Variants in CNTNAP3B observed in about 807,000 individuals in gnomAD.
CNTNAP3B encodes contactin-associated protein-like 3B.
Under a neutral mutation model 108.9 loss-of-function variants are expected in CNTNAP3B, and 25 were observed. That is an observed-to-expected ratio of 0.23 (90% CI 0.17 to 0.32). The LOEUF is 0.32. Ranked by LOEUF, CNTNAP3B falls within the 10% of genes least tolerant of loss-of-function variation. The pLI is 1.00. For synonymous variants in CNTNAP3B, 103 were observed against 473.4 expected (o/e 0.22, Z 10.16); for missense variants, 252 against 1,210.4 (o/e 0.21, Z 11.75).
intron 18 of CNTNAP3B, among the ~76,000 whole-genome samples, chr9:41,919,698 G>T (rs1433651799): frequency 1.3e-5 from 2 of 152,080 alleles, no homozygotes; most frequent in Non-Finnish European, 2.9e-5. Context: ...CAACAGAGAG[G>T]CTTGAATAGC....
chr9:41,957,496 G>C (rs1225137511), intron 12 of CNTNAP3B, among the ~76,000 whole-genome samples: 7 of 129,424 alleles, frequency 5.4e-5, no homozygotes, highest in African/African-American at 2.2e-4. Context: ...CTAAGCTTAG[G>C]GATTCTTTCC....
At chr9:41,945,436 A>C (rs1196610935) in intron 13 of CNTNAP3B, among the ~76,000 whole-genome samples, 468 of 152,088 alleles carry the variant, frequency 3.1e-3, no homozygotes, top group Admixed American at 5.9e-3. Flanking sequence ...CTATGCAGCC[A>C]TGAAAAAGGA....
At chr9:41,930,603 G>C (rs1253646213) in intron 14 of CNTNAP3B, among the ~76,000 whole-genome samples, 1 of 152,240 alleles carries the variant, frequency 6.6e-6, no homozygotes, top group Non-Finnish European at 1.5e-5. Flanking sequence ...TTGTCGAACA[G>C]ACATTGTCCT....
At chr9:42,120,823 G>C (rs867200439) in intron 1 of CNTNAP3B, among the ~76,000 whole-genome samples, 2 of 94,778 alleles carry the variant, frequency 2.1e-5, no homozygotes, top group African/African-American at 9.4e-5. Context: ...GGACTGTCGC[G>C]GGGTGGGGGG....
At chr9:41,973,513 A>G (rs1247927607) in intron 9 of CNTNAP3B, among the ~76,000 whole-genome samples, 3 of 127,888 alleles carry the variant, frequency 2.3e-5, no homozygotes, top group Non-Finnish European at 4.9e-5. Context: ...CAGTGTTGCC[A>G]CAAGTTCTTG....
rs878877114 is a variant in CNTNAP3B, at chr9:42,129,129, C to T, written c.-35G>A. 1.3e-5 allele frequency: 17 copies of T among 1,359,862 alleles called. 1 individual carries two copies. The highest frequency in any genetic ancestry group is 5.5e-5 in the African/African-American group (3 of 54,198). 84.2% of individuals were successfully genotyped at this position (1,359,862 alleles called of 1,614,324 possible). ...AGCCAGGCGCCCTGAGACCCGGGCACGGCGACGGCCGCTCTGCGTCGTTCC... is the reference window on the plus strand; with the variant it reads ...AGCCAGGCGCCCTGAGACCCGGGCATGGCGACGGCCGCTCTGCGTCGTTCC... On this transcript the variant is annotated 5_prime_UTR_variant, in exon 1 of 24. The change creates a new upstream start codon in the 5' untranslated region. Coordinates refer to ENST00000377561, the MANE Select transcript of CNTNAP3B (RefSeq NM_001201380.3).
At chr9:42,108,770 C>G (rs190851669) in intron 1 of CNTNAP3B, among the ~76,000 whole-genome samples, 6,159 of 138,280 alleles carry the variant, frequency 0.045, 771 homozygotes, top group South Asian at 0.1. Context: ...TGATTTGTCC[C>G]CTGACCCCTG....
intron 3 of CNTNAP3B, among the ~76,000 whole-genome samples, chr9:42,066,246 T>A (rs71512025): frequency 0.25 from 32,484 of 132,482 alleles, 7,382 homozygotes; most frequent in East Asian, 0.67. Context: ...TTTTCCCATG[T>A]AGCTTGTACA....
intron 1 of CNTNAP3B, among the ~76,000 whole-genome samples, chr9:42,119,894 C>G (rs201007186): frequency 4.3e-5 from 6 of 140,146 alleles, no homozygotes; most frequent in Admixed American, 4.2e-4. Context: ...CTAGGCAATA[C>G]CATTCAGGAC....
At chr9:42,033,047 C>T (rs1403322018) in intron 3 of CNTNAP3B, among the ~76,000 whole-genome samples, 3 of 144,386 alleles carry the variant, frequency 2.1e-5, no homozygotes, top group Admixed American at 6.9e-5. Context: ...GAATTCTGTC[C>T]ATACAGCACT....
chr9:41,918,765 A>C (rs1455879856), intron 18 of CNTNAP3B, among the ~76,000 whole-genome samples: 1 of 146,334 alleles, frequency 6.8e-6, no homozygotes, highest in South Asian at 2.2e-4. Context: ...ACTTGTGCTC[A>C]TGAAGGAGTG....
chr9:41,955,813 C>A (rs1473101934), intron 12 of CNTNAP3B, among the ~76,000 whole-genome samples: 3 of 152,274 alleles, frequency 2.0e-5, no homozygotes, highest in Non-Finnish European at 4.4e-5. Flanking sequence ...GAAAATTAAG[C>A]TAATTTAACT....
At chr9:41,983,069 C>CA (rs1825663099) in intron 9 of CNTNAP3B, among the ~76,000 whole-genome samples, 2 of 123,578 alleles carry the variant, frequency 1.6e-5, no homozygotes, top group African/African-American at 3.3e-5. Flanking sequence ...GGGTGAAGAT[C>CA]GAAAAACTAC....
intron 2 of CNTNAP3B, among the ~76,000 whole-genome samples, chr9:42,082,790 C>T (rs1254434747): frequency 7.2e-6 from 1 of 138,428 alleles, no homozygotes; most frequent in African/African-American, 2.9e-5. Flanking sequence ...TGAAAATGGA[C>T]AAAGAATAAA....
At chr9:41,939,490 C>T (rs1313659642) in intron 13 of CNTNAP3B, among the ~76,000 whole-genome samples, 142 of 145,838 alleles carry the variant, frequency 9.7e-4, no homozygotes, top group African/African-American at 3.5e-3. Context: ...TCACCTGCCC[C>T]TCTGCCAAAA....
intron 3 of CNTNAP3B, among the ~76,000 whole-genome samples, chr9:42,031,991 C>T (rs1459518859): frequency 7.8e-6 from 1 of 128,044 alleles, no homozygotes; most frequent in Admixed American, 7.9e-5. Flanking sequence ...CTTGAAGCTG[C>T]AGGTGGATCT....
At chr9:41,966,195 C>T (rs1825268990) in intron 10 of CNTNAP3B, among the ~76,000 whole-genome samples, 1 of 152,296 alleles carries the variant, frequency 6.6e-6, no homozygotes, top group Non-Finnish European at 1.5e-5. Context: ...TCTCCCCCTC[C>T]TCCCCTTCCT....
At chr9:42,035,528 C>G (rs1587217338) in intron 3 of CNTNAP3B, among the ~76,000 whole-genome samples, 1 of 146,872 alleles carries the variant, frequency 6.8e-6, no homozygotes, top group African/African-American at 2.6e-5. Context: ...GACAAAAATC[C>G]TTCAGTGCCT....
intron 3 of CNTNAP3B, among the ~76,000 whole-genome samples, chr9:42,034,170 G>A (rs1004226719): frequency 1.3e-5 from 1 of 77,522 alleles, no homozygotes; most frequent in Non-Finnish European, 2.7e-5. Flanking sequence ...TTATCTATAT[G>A]TATGTATGTA....
Sources: gnomAD v4.1 joint callset for allele counts (sites outside exome capture counted in the v4.1 genomes callset) on GRCh38, gnomAD v4.1.1 for gene constraint, MANE v1.5 for transcripts, NCBI Gene and HGNC (gene_info 2026-07-23, HGNC 2026-07-21) for gene names.